RBMS3: variants seen among roughly 807,000 people sequenced by gnomAD.
RBMS3 encodes the protein RNA-binding motif, single-stranded-interacting protein 3.
A neutral mutation model predicts 66.8 loss-of-function variants in RBMS3; 27 were observed. That is an observed-to-expected ratio of 0.40 (90% CI 0.30 to 0.56). RBMS3 has a LOEUF of 0.56. Ranked by LOEUF, RBMS3 falls within the 20% of genes least tolerant of loss-of-function variation. RBMS3 has a pLI of 0.40. For missense variants in RBMS3, 513 were observed against 549.5 expected (o/e 0.93, Z 0.66); for synonymous variants, 188 against 183.0 (o/e 1.03, Z -0.22).
At position 29,428,518 on chromosome 3, in the gene RBMS3, C is replaced by T. The variant is rs59196410; in HGVS notation, c.76-6225C>T. On this transcript the variant is annotated intron_variant, in intron 1 of 14. Coordinates refer to ENST00000383767, the MANE Select transcript of RBMS3 (RefSeq NM_001003793.3). ...TATAAAAAAATTGTTAAATAATTTG[C>T]TTTACTCTATTGATGTGTGAGCAAC... 6.0e-3 allele frequency among the ~76,000 whole-genome samples: 911 copies of T among 151,466 alleles called. 7 individuals carry two copies. The highest frequency in any genetic ancestry group is 0.021 in the African/African-American group (867 of 41,246).
intron 13 of RBMS3, among the ~76,000 whole-genome samples, chr3:29,990,377 A>G (rs529538479): frequency 1.1e-4 from 16 of 148,416 alleles, no homozygotes; most frequent in Non-Finnish European, 2.2e-4. Flanking sequence ...AAATAAAATC[A>G]CCTATGCCTC....
intron 6 of RBMS3, among the ~76,000 whole-genome samples, chr3:29,809,264 A>T (rs2057653014): frequency 1.3e-5 from 2 of 151,720 alleles, no homozygotes; most frequent in African/African-American, 2.4e-5. Flanking sequence ...TCCTTATTAT[A>T]ATAAGGACTA....
At chr3:29,539,727 C>A (rs2045691066) in intron 3 of RBMS3, among the ~76,000 whole-genome samples, 2 of 152,024 alleles carry the variant, frequency 1.3e-5, no homozygotes, top group Non-Finnish European at 2.9e-5. Context: ...CTATTTTTCC[C>A]CAGGAGTTAT....
At chr3:29,646,323 GA>G (rs1417336776) in intron 4 of RBMS3, among the ~76,000 whole-genome samples, 1 of 152,172 alleles carries the variant, frequency 6.6e-6, no homozygotes, top group Non-Finnish European at 1.5e-5. Context: ...CTTAGAGGCA[GA>G]AAACAATTGT....
intron 6 of RBMS3, among the ~76,000 whole-genome samples, chr3:29,785,425 G>GA (rs576253431): frequency 3.4e-4 from 51 of 151,946 alleles, no homozygotes; most frequent in African/African-American, 1.2e-3. Context: ...TACAGAACTA[G>GA]AAAAAACAAT....
At chr3:29,419,319 G>C (rs1441151747) in intron 1 of RBMS3, among the ~76,000 whole-genome samples, 2 of 151,992 alleles carry the variant, frequency 1.3e-5, no homozygotes, top group Non-Finnish European at 1.5e-5. Flanking sequence ...ATTGTCACTG[G>C]ATATATTTTA....
intron 4 of RBMS3, among the ~76,000 whole-genome samples, chr3:29,625,216 GA>G (rs764107549): frequency 6.6e-6 from 1 of 152,110 alleles, no homozygotes; most frequent in Non-Finnish European, 1.5e-5. Context: ...ATAGTAGTGT[GA>G]AAATGGACTA....
chr3:29,583,550 G>A (rs1049804559), intron 3 of RBMS3, among the ~76,000 whole-genome samples: 1 of 151,104 alleles, frequency 6.6e-6, no homozygotes, highest in African/African-American at 2.4e-5. Flanking sequence ...CAGTACCTGG[G>A]GTAATACAAT....
intron 4 of RBMS3, among the ~76,000 whole-genome samples, chr3:29,607,533 C>T (rs558750897): frequency 1.3e-5 from 2 of 152,064 alleles, no homozygotes; most frequent in Admixed American, 6.6e-5. Context: ...CACCCAATAT[C>T]ATCATTTTTG....
chr3:29,402,054 G>A (rs576217002), intron 1 of RBMS3, among the ~76,000 whole-genome samples: 1 of 152,132 alleles, frequency 6.6e-6, no homozygotes, highest in East Asian at 1.9e-4. Context: ...GTTGAGACAT[G>A]TGGGTGATTG....
chr3:29,283,052 G>T (rs1291304276), intron 1 of RBMS3, among the ~76,000 whole-genome samples: 1 of 152,016 alleles, frequency 6.6e-6, no homozygotes, highest in Admixed American at 6.6e-5. Context: ...CCTCCTGCTC[G>T]GTGCCTTAAG....
At chr3:29,569,018 C>CTAGG (rs768373393) in intron 3 of RBMS3, among the ~76,000 whole-genome samples, 6 of 152,062 alleles carry the variant, frequency 3.9e-5, no homozygotes, top group Non-Finnish European at 8.8e-5. Flanking sequence ...TTCAGTAGAC[C>CTAGG]TAGGGTAGGC....
intron 5 of RBMS3, among the ~76,000 whole-genome samples, chr3:29,753,099 A>G (rs1307740235): frequency 6.6e-6 from 1 of 152,230 alleles, no homozygotes; most frequent in Non-Finnish European, 1.5e-5. Context: ...AGACCAATCT[A>G]GTCAGAAAGC....
intron 3 of RBMS3, among the ~76,000 whole-genome samples, chr3:29,563,489 C>T (rs1355657537): frequency 2.0e-5 from 3 of 152,130 alleles, no homozygotes; most frequent in Non-Finnish European, 4.4e-5. Context: ...CTAGCTGAAA[C>T]CTCAACCAGT....
At chr3:29,669,139 G>C (rs1358868200) in intron 4 of RBMS3, among the ~76,000 whole-genome samples, 2 of 152,238 alleles carry the variant, frequency 1.3e-5, no homozygotes, top group African/African-American at 4.8e-5. Flanking sequence ...TCTCAAGGCA[G>C]AGCCAGCCTG....
At chr3:29,417,470 T>G (rs2040526240) in intron 1 of RBMS3, among the ~76,000 whole-genome samples, 1 of 152,110 alleles carries the variant, frequency 6.6e-6, no homozygotes, top group South Asian at 2.1e-4. Context: ...TTCAGTTAGC[T>G]CTCCCTAATA....
At chr3:29,922,445 C>T (rs1264440946) in intron 10 of RBMS3, among the ~76,000 whole-genome samples, 1 of 149,912 alleles carries the variant, frequency 6.7e-6, no homozygotes, top group Non-Finnish European at 1.5e-5. Context: ...CGAGATTGCG[C>T]CACTGCAGTC....
At chr3:29,365,417 T>C (rs1202065288) in intron 1 of RBMS3, among the ~76,000 whole-genome samples, 1 of 152,134 alleles carries the variant, frequency 6.6e-6, no homozygotes, top group East Asian at 1.9e-4. Flanking sequence ...AATGTTAGCA[T>C]GGATTATTTT....
chr3:29,564,481 T>G (rs1478393235), intron 3 of RBMS3, among the ~76,000 whole-genome samples: 1 of 143,348 alleles, frequency 7.0e-6, no homozygotes, highest in Non-Finnish European at 1.5e-5. Flanking sequence ...AGCAAAAAGT[T>G]CATTAAAAAA....
Sources: gnomAD v4.1 joint callset for allele counts (sites outside exome capture counted in the v4.1 genomes callset) on GRCh38, gnomAD v4.1.1 for gene constraint, MANE v1.5 for transcripts, NCBI Gene and HGNC (gene_info 2026-07-23, HGNC 2026-07-21) for gene names.